The following DNTT variants were observed in gnomAD, a reference collection of about 807,000 sequenced individuals.
DNTT encodes DNA nucleotidylexotransferase, also known as nucleosidetriphosphate:DNA deoxynucleotidylexotransferase.
Under a neutral mutation model 60.9 loss-of-function variants are expected in DNTT, and 47 were observed. The ratio of observed to expected loss-of-function variants is 0.77; its 90% CI spans 0.61 to 0.98. The LOEUF (loss-of-function observed/expected upper bound fraction) is 0.98, where lower values mean the gene tolerates loss of function less well. Ranked by LOEUF, DNTT falls within the 50% of genes least tolerant of loss-of-function variation. The pLI, the probability that DNTT is intolerant of heterozygous loss-of-function variation, is 0.00. For synonymous variants in DNTT, 224 were observed against 221.2 expected, an observed-to-expected ratio of 1.01 and a Z score of -0.11; for missense variants, 665 against 627.5, an observed-to-expected ratio of 1.06 and a Z score of -0.64.
chr10:96,316,104 C>T (rs967827579), intron 1 of DNTT, among the ~76,000 whole-genome samples: 11 of 152,292 alleles, frequency 7.2e-5, no homozygotes, highest in African/African-American at 2.6e-4. Context: ...TCAAATGCGG[C>T]ATGCCTGAAA....
chr10:96,323,045 G>T (rs1301967325), intron 5 of DNTT, among the ~76,000 whole-genome samples: 1 of 152,210 alleles, frequency 6.6e-6, no homozygotes, highest in African/African-American at 2.4e-5. Flanking sequence ...CATAGCTCAT[G>T]CCTGTAATCC....
Position 96,314,449 on chromosome 10 carries a change from G to A in DNTT, c.204-3903G>A, listed in dbSNP as rs1206097091. 2.2e-4 allele frequency among the ~76,000 whole-genome samples: 21 copies of A among 94,002 alleles called. No individual in the cohort carries two copies. The Admixed American group carries it at 3.0e-3, about 13-fold the overall frequency. 61.7% of individuals were successfully genotyped at this position (94,002 alleles called of 152,430 possible). A position where few individuals can be genotyped will look rare whatever the true frequency, so the allele number is the denominator to read the frequency against. Reference sequence around the variant, plus strand: ...TTTTTTTGAGATGGAGTTTCGCTCTGTCGCCCAGGCTGGAGTGTAGTGGCA... The same window carrying A: ...TTTTTTTGAGATGGAGTTTCGCTCTATCGCCCAGGCTGGAGTGTAGTGGCA... On this transcript the variant is annotated intron_variant, in intron 1 of 10. Transcript: ENST00000371174.
At chr10:96,322,356 C>T (rs1340826681) in intron 4 of DNTT, among the ~76,000 whole-genome samples, 1 of 152,098 alleles carries the variant, frequency 6.6e-6, no homozygotes, top group Non-Finnish European at 1.5e-5. Context: ...AAATTATCAC[C>T]AATATTTGGA....
intron 10 of DNTT, among the ~76,000 whole-genome samples, chr10:96,336,309 C>T (rs1427060498): frequency 6.6e-6 from 1 of 152,164 alleles, no homozygotes; most frequent in Non-Finnish European, 1.5e-5. Flanking sequence ...CCAGAAATCA[C>T]AAATACTACT....
At chr10:96,328,939 A>G in intron 8 of DNTT, 109 bp downstream of exon 8, 6 of 1,129,474 alleles carry the variant, frequency 5.3e-6, no homozygotes, top group Non-Finnish European at 7.5e-6. Context: ...TCAATTCTCA[A>G]TTATTTGTGG....
At chr10:96,335,775 A>C (rs1845061015) in intron 9 of DNTT, 116 bp from the exon 10 acceptor site, 1 of 1,236,768 alleles carries the variant, frequency 8.1e-7, no homozygotes, top group African/African-American at 1.5e-5. Context: ...CTGGGGGAGG[A>C]AAATCACTTT....
In DNTT at chr10:96,335,966, A is replaced by G. The variant is rs1301980976; in HGVS notation, c.1435A>G (p.Lys479Glu). 6.2e-7 allele frequency: 1 copy of G among 1,614,174 alleles called. No homozygotes were observed. The highest frequency in any genetic ancestry group is 2.2e-5 in the East Asian group (1 of 44,882). The change falls in exon 10 of 11, where the codon AAG becomes GAG. Residue 479 changes from lysine to glutamate, a missense_variant. By Grantham distance (56) the Lys-to-Glu change is moderately conservative. Coordinates refer to ENST00000371174, the MANE Select transcript of DNTT (RefSeq NM_004088.4). ...MILDNHALYD[K>E]TKRIFLKAES... ...TCTGGATAACCATGCTTTATATGACAAGACCAAGGTACAGTTCTCTTCCTA... is the reference window on the plus strand; with the variant it reads ...TCTGGATAACCATGCTTTATATGACGAGACCAAGGTACAGTTCTCTTCCTA...
In DNTT at chr10:96,324,402, T is replaced by G; in HGVS notation, c.874+13T>G. On this transcript the variant is annotated intron_variant, in intron 6 of 10. Coordinates refer to ENST00000371174, the MANE Select transcript of DNTT (RefSeq NM_004088.4). ...ATGCAGAAAGCAGGTAAATTGTCTC[T>G]CCTAAAAGTCATTGTTGCTATGGGC... The G allele has an allele frequency of 6.2e-7, 1 of 1,613,482 alleles. No homozygotes were observed. Among genetic ancestry groups the G allele is most frequent in the Non-Finnish European group, 8.5e-7 (1 of 1,179,586 alleles).
At chr10:96,314,661 C>G (rs768391084) in intron 1 of DNTT, among the ~76,000 whole-genome samples, 2 of 151,950 alleles carry the variant, frequency 1.3e-5, no homozygotes, top group Admixed American at 6.6e-5. Context: ...ATCTGCCCCC[C>G]TCAGCCTCCC....
intron 8 of DNTT, among the ~76,000 whole-genome samples, chr10:96,329,728 G>A (rs149320756): frequency 1.5e-3 from 236 of 152,308 alleles, no homozygotes; most frequent in African/African-American, 4.8e-3. Context: ...ACTGGGCGTC[G>A]AGTCTTCCCA....
chr10:96,326,065 AATC>A (rs1275259764), intron 6 of DNTT, among the ~76,000 whole-genome samples: 1 of 152,252 alleles, frequency 6.6e-6, no homozygotes, highest in Non-Finnish European at 1.5e-5. Context: ...GATGTCAACA[AATC>A]ATCATAGTCT....
Position 96,307,351 on chromosome 10 carries a change from T to G in DNTT, c.203+2651T>G, listed in dbSNP as rs1370033976. Among the ~76,000 whole-genome samples the G allele has an allele frequency of 6.6e-5, 8 of 121,878 alleles. No individual in the cohort carries two copies. The South Asian group carries it at 8.6e-4, about 13-fold the overall frequency. The allele number at this position is 121,878 out of a possible 152,430, so 80.0% of individuals were successfully genotyped here. A position where few individuals can be genotyped will look rare whatever the true frequency, so the allele number is the denominator to read the frequency against. ...ATTTTCTGGGTTTTCCAGTTTTTTT[T>G]TTTTTTTTTTTTTTTTTTTTTTTGA... On this transcript the variant is annotated intron_variant, in intron 1 of 10. Coordinates refer to ENST00000371174, the MANE Select transcript of DNTT (RefSeq NM_004088.4).
Position 96,318,388 on chromosome 10 carries a change from G to A in DNTT, c.240G>A (p.Ser80=), listed in dbSNP as rs777153116. The A allele has an allele frequency of 1.6e-5, 26 of 1,613,322 alleles. No individual in the cohort carries two copies. The highest frequency in any genetic ancestry group is 2.0e-5 in the Non-Finnish European group (24 of 1,179,658). ...SVTHIVAENN[S]GSDVLEWLQA... is the part of the protein sequence containing the mutation. ...CCCACATCGTAGCAGAGAACAACTC[G>A]GGTTCGGATGTTCTGGAGTGGCTTC... is the stretch of plus-strand genomic sequence containing the variant. The change falls in exon 2 of 11, where the codon TCG becomes TCA. Residue 80 remains serine, a synonymous_variant. Transcript: ENST00000371174.
chr10:96,332,700 CA>C, intron 9 of DNTT, 104 bp downstream of exon 9: 1 of 1,523,628 alleles, frequency 6.6e-7, no homozygotes, highest in South Asian at 1.3e-5. Flanking sequence ...GGCTGGGTGA[CA>C]GGGGAGGGGC....
Position 96,322,695 on chromosome 10 carries a change from T to C in DNTT, c.717T>C (p.Ala239=), listed in dbSNP as rs768000462. 5.0e-6 allele frequency: 8 copies of C among 1,602,462 alleles called. No homozygotes were observed. In the African/African-American group the frequency reaches 9.4e-5, roughly 19 times the overall value. ...IEDGESSEVK[A]VLNDERYQSF... ...ATGGAGAAAGTTCTGAAGTTAAAGC[T>C]GTGTTAAATGATGAACGATATCAAT... Residue 239 remains alanine, a synonymous_variant, in exon 5 of 11, where the codon GCT becomes GCC. Coordinates refer to ENST00000371174, the MANE Select transcript of DNTT (RefSeq NM_004088.4).
chr10:96,327,345 A>C, intron 6 of DNTT, 123 bp from the exon 7 acceptor site: 1 of 1,377,324 alleles, frequency 7.3e-7, no homozygotes, highest in Non-Finnish European at 1.0e-6. Context: ...GTGGGAATGG[A>C]GTTTGGTGTT....
At chr10:96,317,887 A>G (rs1182211631) in intron 1 of DNTT, among the ~76,000 whole-genome samples, 1 of 152,246 alleles carries the variant, frequency 6.6e-6, no homozygotes, top group African/African-American at 2.4e-5. Context: ...CCATGTAAGC[A>G]TAGCTACATC....
chr10:96,311,765 T>TC (rs763811998), intron 1 of DNTT, among the ~76,000 whole-genome samples: 8 of 152,196 alleles, frequency 5.3e-5, no homozygotes, highest in Non-Finnish European at 1.2e-4. Flanking sequence ...TGCCTCAGCC[T>TC]CCCGAGTGGC....
intron 8 of DNTT, among the ~76,000 whole-genome samples, chr10:96,331,882 A>T (rs7096879): frequency 0.74 from 112,319 of 152,108 alleles, 44,684 homozygotes; most frequent in East Asian, 0.92. Flanking sequence ...GGCTCCAGGG[A>T]TCCTTCCACC....
Sources: gnomAD v4.1 joint callset for allele counts (sites outside exome capture counted in the v4.1 genomes callset) on GRCh38, gnomAD v4.1.1 for gene constraint, MANE v1.5 for transcripts, NCBI Gene and HGNC (gene_info 2026-07-23, HGNC 2026-07-21) for gene names.